Variants in ITIH6 observed in about 807,000 individuals in gnomAD.
ITIH6 encodes the protein inter-alpha-trypsin inhibitor heavy chain family member 6.
ITIH6 carries 60 observed loss-of-function variants against 58.2 expected under a neutral mutation model. The ratio of observed to expected loss-of-function variants is 1.03; its 90% CI spans 0.84 to 1.28. ITIH6 has a LOEUF of 1.28. ITIH6 is among the 50% of genes most tolerant of loss of function. The pLI, the probability that ITIH6 is intolerant of heterozygous loss-of-function variation, is 0.00. For missense variants in ITIH6, 1,290 were observed against 1,021.1 expected (o/e 1.26, Z -3.59); for synonymous variants, 493 against 417.4 (o/e 1.18, Z -2.21).
chrX:54,774,770 G>A (rs1272557576), intron 5 of ITIH6, among the ~76,000 whole-genome samples: 1 of 111,832 alleles, frequency 8.9e-6, no homozygotes, highest in Non-Finnish European at 1.9e-5. Context: ...GCCTTGGGCT[G>A]TCCTGGATGT....
intron 5 of ITIH6, among the ~76,000 whole-genome samples, chrX:54,774,864 A>T (rs1206877141): frequency 1.8e-5 from 2 of 111,295 alleles, no homozygotes; most frequent in East Asian, 5.7e-4. Flanking sequence ...AGGGGAGGGG[A>T]GGGGGGCTGG....
At chrX:54,791,224 C>G in intron 3 of ITIH6, 140 bp from the exon 4 acceptor site, 1 of 548,433 alleles carries the variant, frequency 1.8e-6, no homozygotes, top group Non-Finnish European at 2.9e-6. Context: ...GAGTCACTGG[C>G]TCATGGTCCG....
chrX:54,788,780 G>A, intron 4 of ITIH6, 131 bp from the exon 5 acceptor site: 1 of 498,480 alleles, frequency 2.0e-6, no homozygotes, highest in Non-Finnish European at 3.4e-6. Context: ...AACCTCTGGT[G>A]CCTCCTGCCT....
rs1325128349 is a variant in ITIH6 at position 54,790,969 on chromosome X, C to T, written c.484G>A (p.Val162Met). Residue 162 changes from valine (V) to methionine (M), a missense_variant, in exon 4 of 13, where the codon GTG becomes ATG. Physicochemically the swap from Val to Met is conservative, Grantham distance 21 (BLOSUM62 1). Coordinates refer to ENST00000218436, the MANE Select transcript of ITIH6 (RefSeq NM_198510.3). ...AATTGGCCAGGCCTCAGGCTCACCA[C>T]CAGCTGGTACTGGCCCTGGTGCCGC... Reference protein sequence around the residue: ...LQRHQGQYQLVVSLRPGQLVK... With the variant: ...LQRHQGQYQLMVSLRPGQLVK... The T allele has an allele frequency of 8.3e-7, 1 of 1,211,087 alleles. No individual in the cohort carries two copies. Among genetic ancestry groups the T allele is most frequent in the Admixed American group, 2.2e-5 (1 of 45,940 alleles).
At position 54,768,559 on chromosome X, in the gene ITIH6, C is replaced by A. The variant is rs1438348979; in HGVS notation, c.903+5522G>T. On this transcript the variant is annotated intron_variant, in intron 6 of 12. Coordinates refer to ENST00000218436, the MANE Select transcript of ITIH6 (RefSeq NM_198510.3). ...TGTTCCTTTCCATGTTTAGTGCTTC[C>A]TTCAGGAGCTCTTTTAGGGCAGGCC... is the stretch of plus-strand genomic sequence containing the variant. 6.1e-4 allele frequency among the ~76,000 whole-genome samples: 64 copies of A among 105,546 alleles called. 1 individual carries two copies. The highest frequency in any genetic ancestry group is 2.3e-3 in the African/African-American group (63 of 27,984). The allele number at this position is 105,546 out of a possible 115,157, so 91.7% of individuals were successfully genotyped here. A position where few individuals can be genotyped will look rare whatever the true frequency, so the allele number is the denominator to read the frequency against.
rs1243760672 is a variant in ITIH6, at chrX:54,766,254, G to T, written c.904-6327C>A. 4.2e-3 allele frequency among the ~76,000 whole-genome samples: 443 copies of T among 104,758 alleles called. 6 individuals carry two copies. Among genetic ancestry groups the T allele is most frequent in the African/African-American group, 0.015 (422 of 28,579 alleles). 91.0% of individuals were successfully genotyped at this position (104,758 alleles called of 115,157 possible). A position where few individuals can be genotyped will look rare whatever the true frequency, so the allele number is the denominator to read the frequency against. On this transcript the variant is annotated intron_variant, in intron 6 of 12. Transcript: ENST00000218436. ...CATTGATTTTGTATCCTGAGACTTT[G>T]CTGAAGTTGCTTATCAGCTTAAGGA...
chrX:54,763,763 C>A (rs188082410), intron 6 of ITIH6, among the ~76,000 whole-genome samples: 2 of 111,814 alleles, frequency 1.8e-5, no homozygotes, highest in Non-Finnish European at 3.8e-5. Flanking sequence ...ACTGATAAAG[C>A]GATGATGAAG....
At position 54,766,084 on chromosome X, in the gene ITIH6, G is replaced by A. The variant is rs1034574455; in HGVS notation, c.904-6157C>T. On this transcript the variant is annotated intron_variant, in intron 6 of 12. Coordinates refer to ENST00000218436, the MANE Select transcript of ITIH6 (RefSeq NM_198510.3). ...TTATATCCTTGAGCAGTGGTTTGTAGTTCTCCTTGAAGAGGTCCTTCACAT... is the reference window on the plus strand; with the variant it reads ...TTATATCCTTGAGCAGTGGTTTGTAATTCTCCTTGAAGAGGTCCTTCACAT... Among the ~76,000 whole-genome samples the A allele has an allele frequency of 6.9e-4, 76 of 110,586 alleles. 1 individual carries two copies. The highest frequency in any genetic ancestry group is 2.4e-3 in the African/African-American group (72 of 30,305).
At chrX:54,791,170 C>G (rs889786103) in intron 3 of ITIH6, 86 bp from the exon 4 acceptor site, 36 of 1,009,513 alleles carry the variant, frequency 3.6e-5, no homozygotes, top group East Asian at 2.9e-4. Flanking sequence ...TTTGCTCCCC[C>G]CAACCCTGGT....
intron 6 of ITIH6, among the ~76,000 whole-genome samples, chrX:54,767,778 T>C (rs1484593235): frequency 1.0e-5 from 1 of 98,494 alleles, no homozygotes; most frequent in Non-Finnish European, 2.0e-5. Flanking sequence ...ATTTCTGTTC[T>C]TTTACATTTG....
In ITIH6 at chrX:54,791,005, C is replaced by T. The variant is rs1929337909; in HGVS notation, c.448G>A (p.Glu150Lys). Reference protein sequence around the residue: ...TEVTFSLAYEELLQRHQGQYQ... With the variant: ...TEVTFSLAYEKLLQRHQGQYQ... ...TGGCCCTGGTGCCGCTGAAGCAGTT[C>T]CTCATAGGCCAGGGAAAAAGTCACC... is the stretch of plus-strand genomic sequence containing the variant. The change falls in exon 4 of 13, where the codon GAA becomes AAA. Residue 150 changes from glutamate to lysine, a missense_variant. Coordinates refer to ENST00000218436, the MANE Select transcript of ITIH6 (RefSeq NM_198510.3). The T allele has an allele frequency of 8.3e-7, 1 of 1,211,993 alleles. No individual in the cohort carries two copies. The highest frequency in any genetic ancestry group is 3.0e-5 in the East Asian group (1 of 33,843).
At chrX:54,797,972 A>G in intron 1 of ITIH6, 137 bp downstream of exon 1, 1 of 460,620 alleles carries the variant, frequency 2.2e-6, no homozygotes. Context: ...TGCTCAGCAA[A>G]TAGTACCTCT....
intron 2 of ITIH6, among the ~76,000 whole-genome samples, chrX:54,795,048 C>A (rs769356279): frequency 1.8e-5 from 2 of 111,973 alleles, no homozygotes; most frequent in South Asian, 7.6e-4. Context: ...GATCCACCAC[C>A]ACTGTCCTGC....
In ITIH6 at chrX:54,749,107, T is replaced by C. The variant is rs1441214519; in HGVS notation, c.*788A>G. 3 of 112,160 alleles carry C rather than the reference T, an allele frequency of 2.7e-5. No individual in the cohort carries two copies. Among genetic ancestry groups the C allele is most frequent in the Non-Finnish European group, 5.6e-5 (3 of 53,271 alleles). 9.2% of individuals were successfully genotyped at this position (112,160 alleles called of 1,213,427 possible). A position where few individuals can be genotyped will look rare whatever the true frequency, so the allele number is the denominator to read the frequency against. ...TCCGGGTGTGATCCTGTGTCTTTGG[T>C]TGTGAGTATGTATATATGTGTGTCT... is the stretch of plus-strand genomic sequence containing the variant. On this transcript the variant is annotated 3_prime_UTR_variant, in exon 13 of 13. Transcript: ENST00000218436.
chrX:54,768,626 T>G (rs1928862697), intron 6 of ITIH6, among the ~76,000 whole-genome samples: 1 of 109,366 alleles, frequency 9.1e-6, no homozygotes, highest in Non-Finnish European at 1.9e-5. Context: ...GTCTGTAAAG[T>G]ATTTTATATG....
chrX:54,753,497 T>C lies in ITIH6; in HGVS notation c.3352+154A>G, dbSNP rs775549410. Among the ~76,000 whole-genome samples, 149 of 112,228 alleles carry C rather than the reference T, an allele frequency of 1.3e-3. 2 individuals are homozygous for C. Among genetic ancestry groups the C allele is most frequent in the African/African-American group, 4.3e-3 (134 of 30,897 alleles). On this transcript the variant is annotated intron_variant, in intron 11 of 12. Transcript: ENST00000218436. Reference sequence around the variant, plus strand: ...TGGTGTTTGAGTGTATTCATGTGTGTTTTTTTGTGTGTCTTGGTGTGTTCT... The same window carrying C: ...TGGTGTTTGAGTGTATTCATGTGTGCTTTTTTGTGTGTCTTGGTGTGTTCT...
chrX:54,773,174 GGAGT>G (rs1408658634), intron 6 of ITIH6, among the ~76,000 whole-genome samples: 1 of 111,857 alleles, frequency 8.9e-6, no homozygotes, highest in Admixed American at 9.5e-5. Context: ...GATAATGTGT[GGAGT>G]GAGAGGAAGC....
rs933249432 is a variant in ITIH6 at position 54,773,352 on chromosome X, G to T, written c.903+729C>A. Among the ~76,000 whole-genome samples, 3 of 111,667 alleles carry T rather than the reference G, an allele frequency of 2.7e-5. No individual in the cohort carries two copies. In the East Asian group the frequency reaches 8.4e-4, roughly 31 times the overall value. On this transcript the variant is annotated intron_variant, in intron 6 of 12. Transcript: ENST00000218436. The stretch of plus-strand genomic sequence containing the variant: ...CCTCCCCCTACACTGGGGCTGGGGA[G>T]CTGGCTTGGGGTATTACCCATTTTT...
chrX:54,780,103 C>G (rs1362191678), intron 5 of ITIH6, among the ~76,000 whole-genome samples: 2 of 112,125 alleles, frequency 1.8e-5, no homozygotes, highest in Non-Finnish European at 3.8e-5. Flanking sequence ...CCACATTTGG[C>G]ACTGGACATC....
Sources: gnomAD v4.1 joint callset for allele counts (sites outside exome capture counted in the v4.1 genomes callset) on GRCh38, gnomAD v4.1.1 for gene constraint, MANE v1.5 for transcripts, NCBI Gene and HGNC (gene_info 2026-07-23, HGNC 2026-07-21) for gene names.